The following P2RX4 variants were observed in gnomAD, a reference collection of about 807,000 sequenced individuals.
P2RX4 encodes P2X purinoceptor 4.
P2RX4 carries 37 observed loss-of-function variants against 48.0 expected under a neutral mutation model. The observed-to-expected ratio is 0.77, with a 90% confidence interval of 0.59 to 1.01. The LOEUF is 1.01. Among genes scored for constraint, P2RX4 ranks in the 50% least tolerant of loss-of-function variants. The pLI is 0.00. For missense variants in P2RX4, 501 were observed against 521.4 expected (o/e 0.96, Z 0.38); for synonymous variants, 200 against 199.7 (o/e 1.00, Z -0.01).
rs892973261 is a variant in P2RX4 at position 121,228,573 on chromosome 12, G to T, written c.565G>T (p.Val189Phe). The change falls in exon 6 of 12, where the codon GTT (valine) becomes TTT (phenylalanine). Residue 189 changes from valine to phenylalanine, a missense_variant. By Grantham distance (50) the Val-to-Phe change is conservative. Around this residue, in one of 3 missense-constraint regions of P2RX4, gnomAD observed 295 missense variants for 275.3 expected, o/e 1.07. Transcript: ENST00000337233. ...GGCTGCAGAAAACTTCACTCTTTTG[G>T]TTAAGAACAACATCTGGTATCCCAA... ...LKAAENFTLLVKNNIWYPKFN... is the reference protein window; with the variant it reads ...LKAAENFTLLFKNNIWYPKFN... The T allele has an allele frequency of 6.2e-7, 1 of 1,613,304 alleles. No individual in the cohort carries two copies. The highest frequency in any genetic ancestry group is 8.5e-7 in the Non-Finnish European group (1 of 1,179,870).
chr12:121,229,117 C>T lies in P2RX4; in HGVS notation c.884+18C>T. On this transcript the variant is annotated intron_variant, in intron 8 of 11. Transcript: ENST00000337233. The surrounding 1 kb of genome is among the most constrained non-coding windows in gnomAD (Gnocchi z 4.6). ...AATTTCAGGTGGGCGTGAGCTTGGG[C>T]CCCTCGCTCATGTTGTAGGGGGTGC... 7.4e-6 allele frequency: 12 copies of T among 1,613,928 alleles called. No individual in the cohort carries two copies. Among genetic ancestry groups the T allele is most frequent in the Non-Finnish European group, 8.5e-6 (10 of 1,179,938 alleles).
chr12:121,222,533 C>T (rs948055087), intron 4 of P2RX4: 3 of 443,042 alleles, frequency 6.8e-6, no homozygotes, highest in Non-Finnish European at 1.3e-5. Context: ...CTGCCTCAGC[C>T]TCCCGAGTAG....
intron 2 of P2RX4, among the ~76,000 whole-genome samples, chr12:121,221,166 T>TTGTGTGTGTGTGTGTGTGTGTGTG (rs71079040): frequency 5.0e-5 from 5 of 100,860 alleles, no homozygotes; most frequent in Admixed American, 9.6e-5. Flanking sequence ...CTGTGTGTGT[T>TTGTGTGTGTGTGTGTGTGTGTGTG]TGTGTGTGTG....
intron 1 of P2RX4, chr12:121,216,739 G>A (rs778378040): frequency 1.1e-4 from 53 of 486,444 alleles, no homozygotes; most frequent in Non-Finnish European, 1.8e-4. Flanking sequence ...AGAATTGCCT[G>A]AACCCGGGAG....
chr12:121,220,479 T>C (rs977407727), intron 2 of P2RX4, among the ~76,000 whole-genome samples: 1 of 151,754 alleles, frequency 6.6e-6, no homozygotes, highest in African/African-American at 2.4e-5. Context: ...CTACTAAAGA[T>C]ACAAAAATTA....
chr12:121,222,288 G>A, intron 4 of P2RX4, 122 bp downstream of exon 4: 1 of 737,838 alleles, frequency 1.4e-6, no homozygotes, highest in Non-Finnish European at 2.4e-6. Flanking sequence ...CAGGTGCCGA[G>A]GCTGGGGTCC....
chr12:121,231,907 A>AGGCAGAAGAATTGCTTGAACTG (rs1887386190), intron 8 of P2RX4, among the ~76,000 whole-genome samples: 1 of 150,170 alleles, frequency 6.7e-6, no homozygotes, highest in Admixed American at 6.7e-5. Context: ...CGGGAGGCTG[A>AGGCAGAAGAATTGCTTGAACTG]GGCAGAAGAA....
chr12:121,214,644 G>A (rs909064032), intron 1 of P2RX4: 7 of 152,258 alleles, frequency 4.6e-5, no homozygotes, highest in African/African-American at 9.6e-5. Context: ...TTAAATGGAA[G>A]CTTACACTGC....
chr12:121,232,590 TC>T lies in P2RX4; in HGVS notation c.979-20del, dbSNP rs770322132. The T allele has an allele frequency of 6.2e-7, 1 of 1,613,556 alleles. No individual in the cohort carries two copies. Among genetic ancestry groups the T allele is most frequent in the Admixed American group, 1.7e-5 (1 of 60,022 alleles). ...CCTGCCCCTGCAGAAACACTTTTTT[TC>T]TTTTTCGGTGTCTTGGCAGGCAGGG... On this transcript the variant is annotated intron_variant, in intron 9 of 11. Coordinates refer to ENST00000337233, the MANE Select transcript of P2RX4 (RefSeq NM_002560.3). The surrounding 1 kb of genome is among the most constrained non-coding windows in gnomAD (Gnocchi z 4.3).
At chr12:121,224,992 G>A (rs758172460) in intron 5 of P2RX4, among the ~76,000 whole-genome samples, 12 of 152,310 alleles carry the variant, frequency 7.9e-5, no homozygotes, top group Non-Finnish European at 1.0e-4. Context: ...CTGGCCACGC[G>A]TGGCTATTGA....
intron 5 of P2RX4, among the ~76,000 whole-genome samples, chr12:121,224,593 C>G (rs1027670265): frequency 6.6e-6 from 1 of 151,780 alleles, no homozygotes; most frequent in Non-Finnish European, 1.5e-5. Flanking sequence ...CAGAGAGAGA[C>G]TCTGTCTCAA....
At chr12:121,212,824 ATTTT>A (rs1176783368) in intron 1 of P2RX4, 1 of 32,262 alleles carries the variant, frequency 3.1e-5, no homozygotes, top group Admixed American at 5.4e-4. Context: ...ATATATATAT[ATTTT>A]TTTTTTTTTT....
chr12:121,221,554 C>T (rs536639378), intron 2 of P2RX4, among the ~76,000 whole-genome samples: 27 of 152,002 alleles, frequency 1.8e-4, no homozygotes, highest in African/African-American at 6.0e-4. Flanking sequence ...CCATCACACC[C>T]GGCTAATTTT....
At chr12:121,233,209 G>C in intron 11 of P2RX4, 117 bp downstream of exon 11, 1 of 739,900 alleles carries the variant, frequency 1.4e-6, no homozygotes, top group Admixed American at 2.4e-5. Context: ...GTGTGGCGTG[G>C]TGTCCCCGTT....
intron 1 of P2RX4, chr12:121,212,819 TATA>T (rs1197421920): frequency 2.3e-3 from 105 of 45,872 alleles, no homozygotes; most frequent in African/African-American, 9.5e-3. Flanking sequence ...TATATATATA[TATA>T]TATTTTTTTT....
intron 1 of P2RX4, among the ~76,000 whole-genome samples, chr12:121,211,483 G>A (rs1439687703): frequency 1.3e-5 from 2 of 150,764 alleles, no homozygotes; most frequent in Admixed American, 6.6e-5. Flanking sequence ...GCCCCCACGC[G>A]GGGCTGGCAC....
rs761226537 is a variant in P2RX4, at chr12:121,222,146, C to G, written c.407C>G (p.Ser136Cys). 7 of 1,609,378 alleles carry G rather than the reference C, an allele frequency of 4.3e-6. No homozygotes were observed. Among genetic ancestry groups the G allele is most frequent in the Non-Finnish European group, 6.0e-6 (7 of 1,175,716 alleles). Residue 136 changes from serine to cysteine, a missense_variant, in exon 4 of 12, where the codon TCT becomes TGT. By Grantham distance (112) the Ser-to-Cys change is moderately radical. This residue lies in a region of P2RX4 where 295 missense variants were observed against 275.3 expected (regional missense o/e 1.07). Coordinates refer to ENST00000337233, the MANE Select transcript of P2RX4 (RefSeq NM_002560.3). ...CKSDASCTAG[S>C]AGTHSNGVST... ...TCAGATGCCAGCTGTACTGCCGGCT[C>G]TGCCGGCACCCACAGCAACGGTACG... is the stretch of plus-strand genomic sequence containing the variant.
In P2RX4 at chr12:121,232,415, T is replaced by C. The variant is rs769333172; in HGVS notation, c.886T>C (p.Phe296Leu). The C allele has an allele frequency of 1.2e-6, 2 of 1,611,572 alleles. No individual in the cohort carries two copies. Among genetic ancestry groups the C allele is most frequent in the Admixed American group, 3.3e-5 (2 of 59,980 alleles). The change falls in exon 9 of 12, where the codon TTT (phenylalanine) becomes CTT (leucine). Residue 296 changes from phenylalanine to leucine, a missense_variant and splice_region_variant. By Grantham distance (22) the Phe-to-Leu change is conservative. This residue lies in a region of P2RX4 where 197 missense variants were observed against 219.5 expected (regional missense o/e 0.90). Transcript: ENST00000337233. The surrounding 1 kb of genome is among the most constrained non-coding windows in gnomAD (Gnocchi z 4.3). ...HNVSPGYNFRFAKYYRDLAGN... is the reference protein window; with the variant it reads ...HNVSPGYNFRLAKYYRDLAGN... Reference sequence around the variant, plus strand: ...CTGATCCATCCTCCTTCCCCTCAGGTTTGCCAAGTACTACAGAGACCTGGC... The same window carrying C: ...CTGATCCATCCTCCTTCCCCTCAGGCTTGCCAAGTACTACAGAGACCTGGC...
At chr12:121,230,109 G>T (rs545656470) in intron 8 of P2RX4, among the ~76,000 whole-genome samples, 1 of 152,292 alleles carries the variant, frequency 6.6e-6, no homozygotes, top group South Asian at 2.1e-4. Flanking sequence ...TCCTTAAAAA[G>T]GAAGCGCTCC....
Sources: gnomAD v4.1 joint callset for allele counts (sites outside exome capture counted in the v4.1 genomes callset) on GRCh38, gnomAD v4.1.1 for gene constraint, gnomAD v4.1.1 regional missense constraint, Gnocchi (gnomAD v3.1) non-coding constraint, MANE v1.5 for transcripts, NCBI Gene and HGNC (gene_info 2026-07-23, HGNC 2026-07-21) for gene names.